The following PAK1 variants were observed in gnomAD, a reference collection of about 807,000 sequenced individuals.
PAK1 encodes the protein p21 (RAC1) activated kinase 1, also known as serine/threonine-protein kinase PAK 1.
Under a neutral mutation model 67.4 loss-of-function variants are expected in PAK1, and 29 were observed. The ratio of observed to expected loss-of-function variants is 0.43; its 90% CI spans 0.32 to 0.59. The LOEUF (loss-of-function observed/expected upper bound fraction) is 0.59, where lower values mean the gene tolerates loss of function less well. Ranked by LOEUF, PAK1 falls within the 20% of genes least tolerant of loss-of-function variation. PAK1 has a pLI of 0.07. For missense variants in PAK1, 337 were observed against 670.7 expected, an observed-to-expected ratio of 0.50 and a Z score of 5.50; for synonymous variants, 223 against 237.4, an observed-to-expected ratio of 0.94 and a Z score of 0.56.
At chr11:77,468,653 T>C (rs1957710281) in intron 1 of PAK1, among the ~76,000 whole-genome samples, 1 of 152,206 alleles carries the variant, frequency 6.6e-6, no homozygotes. Context: ...GCAATTATCC[T>C]TTCTAGTTCA....
chr11:77,340,610 G>T, intron 11 of PAK1, 36 bp downstream of exon 11: 1 of 1,024,590 alleles, frequency 9.8e-7, no homozygotes, highest in Non-Finnish European at 1.6e-6. Flanking sequence ...TATGGAGGCA[G>T]CTTTCTACCC....
At chr11:77,459,756 G>A (rs1457220486) in intron 1 of PAK1, among the ~76,000 whole-genome samples, 1 of 147,778 alleles carries the variant, frequency 6.8e-6, no homozygotes, top group African/African-American at 2.5e-5. Flanking sequence ...GCAGTGGCGC[G>A]ATCTCAGCTC....
At chr11:77,501,466 G>C in the PAK1 span, among the ~76,000 whole-genome samples, 3 of 152,014 alleles carry the variant, frequency 2.0e-5, no homozygotes, top group African/African-American at 7.2e-5. Flanking sequence ...CCCTCTTCTC[G>C]GGTAATAAGC....
intron 13 of PAK1, among the ~76,000 whole-genome samples, chr11:77,333,488 G>C (rs908306886): frequency 1.3e-5 from 2 of 152,100 alleles, no homozygotes; most frequent in African/African-American, 4.8e-5. Flanking sequence ...GTGAGTCACT[G>C]TGCCTGGCTT....
chr11:77,422,083 C>T (rs1450047219), intron 1 of PAK1, among the ~76,000 whole-genome samples: 1 of 152,108 alleles, frequency 6.6e-6, no homozygotes, highest in African/African-American at 2.4e-5. Context: ...AACACTTATC[C>T]AATTTACTGA....
the PAK1 span, among the ~76,000 whole-genome samples, chr11:77,492,701 T>C: frequency 6.6e-6 from 1 of 152,228 alleles, no homozygotes; most frequent in South Asian, 2.1e-4. Flanking sequence ...TGTTCAATTG[T>C]AATTCCCAGT....
upstream of PAK1, among the ~76,000 whole-genome samples, chr11:77,477,861 T>C (rs1045582396): frequency 2.0e-5 from 3 of 152,204 alleles, no homozygotes; most frequent in African/African-American, 7.2e-5. Flanking sequence ...AGGTCGAGGC[T>C]GCAGTGAGCC....
chr11:77,379,980 C>A lies in PAK1; in HGVS notation c.205G>T (p.Glu69Ter). 1 of 1,612,904 alleles carries A rather than the reference C, an allele frequency of 6.2e-7. No homozygotes were observed. The highest frequency in any genetic ancestry group is 8.5e-7 in the Non-Finnish European group (1 of 1,179,380). The change falls in exon 3 of 15, where the codon GAG becomes TAG. Residue 69 changes from glutamate (E) to a stop codon, truncating the protein, a stop_gained. Coordinates refer to ENST00000356341, the MANE Select transcript of PAK1 (RefSeq NM_002576.5). LOFTEE classifies it high-confidence loss of function. ...LPGDKTNKKK[E>*]KERPEISLPS... ...AGAGAAATCTCTGGCCGCTCTTTCT[C>A]TTTCTTTTTATTTGCTGCAAGAGAA...
At position 77,440,811 on chromosome 11, in the gene PAK1, G is replaced by GC. The variant is rs761404861; in HGVS notation, c.-22+32740dup. Among the ~76,000 whole-genome samples the GC allele has an allele frequency of 4.6e-5, 7 of 152,240 alleles. No homozygotes were observed. The East Asian group carries it at 9.6e-4, about 21-fold the overall frequency. On this transcript the variant is annotated intron_variant, in intron 1 of 14. Transcript: ENST00000356341. The stretch of plus-strand genomic sequence containing the variant: ...CAAGAGACCTTCTAAGCTGCTGGAA[G>GC]CAAGATTCATCTGAATTCCTCCCAC...
At chr11:77,526,106 A>T in the PAK1 span, among the ~76,000 whole-genome samples, 1 of 152,200 alleles carries the variant, frequency 6.6e-6, no homozygotes, top group Non-Finnish European at 1.5e-5. Context: ...CAGCCTTGAA[A>T]ACAGCAGGCA....
intron 1 of PAK1, among the ~76,000 whole-genome samples, chr11:77,471,853 G>A (rs1357192316): frequency 6.6e-6 from 1 of 152,158 alleles, no homozygotes; most frequent in Admixed American, 6.5e-5. Context: ...AATGTATATT[G>A]AATTGAACTG....
At chr11:77,338,716 T>G (rs1943117813) in intron 11 of PAK1, among the ~76,000 whole-genome samples, 1 of 152,158 alleles carries the variant, frequency 6.6e-6, no homozygotes, top group African/African-American at 2.4e-5. Flanking sequence ...ACAACCCAAA[T>G]GTCCATTCTA....
At chr11:77,528,975 G>A in the PAK1 span, among the ~76,000 whole-genome samples, 1 of 152,126 alleles carries the variant, frequency 6.6e-6, no homozygotes, top group Non-Finnish European at 1.5e-5. Flanking sequence ...GGTACAGTAG[G>A]TTCAAAGGTT....
chr11:77,406,140 A>T (rs189575071), intron 1 of PAK1, among the ~76,000 whole-genome samples: 1 of 152,216 alleles, frequency 6.6e-6, no homozygotes, highest in East Asian at 1.9e-4. Flanking sequence ...TTACTGATAC[A>T]CTACACTTTT....
chr11:77,459,176 C>A (rs1021720124), intron 1 of PAK1, among the ~76,000 whole-genome samples: 2 of 152,086 alleles, frequency 1.3e-5, no homozygotes, highest in African/African-American at 4.8e-5. Flanking sequence ...TTATTAAGTT[C>A]CCTGAATAAC....
intron 1 of PAK1, among the ~76,000 whole-genome samples, chr11:77,405,713 A>C (rs565359252): frequency 1.2e-4 from 16 of 134,866 alleles, no homozygotes; most frequent in South Asian, 2.5e-4. Flanking sequence ...ACACACACAC[A>C]CCCTTCCCTT....
the PAK1 span, among the ~76,000 whole-genome samples, chr11:77,495,238 C>G: frequency 1.3e-5 from 2 of 151,544 alleles, no homozygotes; most frequent in African/African-American, 4.9e-5. Context: ...CTTTGGGAGA[C>G]CAAAACGGGC....
the PAK1 span, among the ~76,000 whole-genome samples, chr11:77,496,259 C>T: frequency 6.6e-6 from 1 of 152,018 alleles, no homozygotes; most frequent in African/African-American, 2.4e-5. Flanking sequence ...CTTCATGATC[C>T]ACCCGCCTCA....
At chr11:77,492,226 T>C in the PAK1 span, among the ~76,000 whole-genome samples, 3 of 151,860 alleles carry the variant, frequency 2.0e-5, no homozygotes, top group Non-Finnish European at 4.4e-5. Context: ...TCCCAGCTAC[T>C]CGGGAGGCTG....
Sources: gnomAD v4.1 joint callset for allele counts (sites outside exome capture counted in the v4.1 genomes callset) on GRCh38, gnomAD v4.1.1 for gene constraint, MANE v1.5 for transcripts, NCBI Gene and HGNC (gene_info 2026-07-23, HGNC 2026-07-21) for gene names.